PLS3: variants seen among roughly 807,000 people sequenced by gnomAD.
PLS3 encodes the protein plastin-3.
In PLS3, 11 loss-of-function variants were observed where a neutral mutation model predicts 46.5. That is an observed-to-expected ratio of 0.24 (90% CI 0.15 to 0.39). PLS3 has a LOEUF of 0.39. PLS3 is among the 10% of genes least tolerant of loss of function. The pLI, the probability that PLS3 is intolerant of heterozygous loss-of-function variation, is 1.00. For missense variants in PLS3, 308 were observed against 461.8 expected, an observed-to-expected ratio of 0.67 and a Z score of 3.05; for synonymous variants, 167 against 162.2, an observed-to-expected ratio of 1.03 and a Z score of -0.22.
chrX:115,570,919 G>A (rs1358444152), intron 1 of PLS3, among the ~76,000 whole-genome samples: 17 of 85,199 alleles, frequency 2.0e-4, no homozygotes, highest in Non-Finnish European at 3.9e-4. Flanking sequence ...TTTTTGAAAC[G>A]GAGTCTCACT....
Position 115,636,082 on chromosome X carries a change from C to T in PLS3, c.749-754C>T, listed in dbSNP as rs2074832051. Among the ~76,000 whole-genome samples, 3 of 111,346 alleles carry T rather than the reference C, an allele frequency of 2.7e-5. 1 individual carries two copies. In the Admixed American group the frequency reaches 2.9e-4, roughly 11 times the overall value. ...ATATTTCTGTTAAAATAGGATTGAG[C>T]CTTCAAGAGTTAATTGATTAATTTT... On this transcript the variant is annotated intron_variant, in intron 7 of 15. Transcript: ENST00000355899.
chrX:115,581,569 T>C (rs2147430026), intron 1 of PLS3, among the ~76,000 whole-genome samples: 1 of 112,082 alleles, frequency 8.9e-6, no homozygotes, highest in Non-Finnish European at 1.9e-5. Flanking sequence ...GTCACCTTGT[T>C]GGTTTTGGGT....
rs1556638880 is a variant in PLS3 at position 115,629,188 on chromosome X, T to C, written c.238-10T>C. The C allele has an allele frequency of 2.7e-6, 3 of 1,120,869 alleles. No individual in the cohort carries two copies. Among genetic ancestry groups the C allele is most frequent in the Non-Finnish European group, 2.4e-6 (2 of 819,632 alleles). The allele number at this position is 1,120,869 out of a possible 1,213,427, so 92.4% of individuals were successfully genotyped here. The stretch of plus-strand genomic sequence containing the variant: ...TAATTGTGAATCAACAAAATTACTT[T>C]AATTAATAGATTTTTCAAGAGGTAA... On this transcript the variant is annotated splice_polypyrimidine_tract_variant and intron_variant, in intron 3 of 15. Transcript: ENST00000355899.
intron 1 of PLS3, among the ~76,000 whole-genome samples, chrX:115,582,418 T>C (rs1556631928): frequency 8.9e-6 from 1 of 112,288 alleles, no homozygotes; most frequent in African/African-American, 3.2e-5. Flanking sequence ...TCAGTTACAA[T>C]CCAGTCTGTA....
rs2074993008 is a variant in PLS3, at chrX:115,650,651, A to G, written c.*1090A>G. On this transcript the variant is annotated 3_prime_UTR_variant, in exon 16 of 16. Transcript: ENST00000355899. Reference sequence around the variant, plus strand: ...AATCTGGTAGCAATGTAGTAGTTCAAATAAAGGCATTTACATAATAATTAG... The same window carrying G: ...AATCTGGTAGCAATGTAGTAGTTCAGATAAAGGCATTTACATAATAATTAG... 8.9e-6 allele frequency: 1 copy of G among 112,393 alleles called. No homozygotes were observed. The highest frequency in any genetic ancestry group is 3.7e-4 in the South Asian group (1 of 2,708). The allele number at this position is 112,393 out of a possible 1,213,427, so 9.3% of individuals were successfully genotyped here.
chrX:115,568,506 A>T (rs2074191702), intron 1 of PLS3, among the ~76,000 whole-genome samples: 1 of 112,150 alleles, frequency 8.9e-6, no homozygotes, highest in South Asian at 3.7e-4. Context: ...AAATCACTGC[A>T]GTATATTTTA....
intron 1 of PLS3, among the ~76,000 whole-genome samples, chrX:115,578,332 C>T (rs1244929344): frequency 9.0e-6 from 1 of 111,450 alleles, no homozygotes; most frequent in Non-Finnish European, 1.9e-5. Flanking sequence ...TGGTATTGAA[C>T]AGAAAAAAAT....
At chrX:115,589,093 A>G (rs1297504542) in intron 1 of PLS3, among the ~76,000 whole-genome samples, 4 of 110,622 alleles carry the variant, frequency 3.6e-5, no homozygotes, top group African/African-American at 6.6e-5. Flanking sequence ...TCAGCCTCCC[A>G]AGTAGCTGGG....
intron 1 of PLS3, among the ~76,000 whole-genome samples, chrX:115,565,727 C>G (rs2074167826): frequency 8.9e-6 from 1 of 111,968 alleles, no homozygotes; most frequent in Admixed American, 9.5e-5. Flanking sequence ...GATGACTATT[C>G]AGGAAAGTGA....
chrX:115,624,018 A>G lies in PLS3; in HGVS notation c.237+1609A>G, dbSNP rs782246518. On this transcript the variant is annotated intron_variant, in intron 3 of 15. Coordinates refer to ENST00000355899, the MANE Select transcript of PLS3 (RefSeq NM_005032.7). ...GCCAAGGCGGGTGGATCACGAGCTC[A>G]GAAGATCGAGGGCCATACTGGCCAA... is the stretch of plus-strand genomic sequence containing the variant. Among the ~76,000 whole-genome samples the G allele has an allele frequency of 3.9e-4, 43 of 111,509 alleles. No homozygotes were observed. In the South Asian group the frequency reaches 0.015, roughly 39 times the overall value.
At chrX:115,589,217 C>A (rs2074329499) in intron 1 of PLS3, among the ~76,000 whole-genome samples, 1 of 111,263 alleles carries the variant, frequency 9.0e-6, no homozygotes, top group Non-Finnish European at 1.9e-5. Flanking sequence ...AGTGATCCAC[C>A]CACCTCTGCC....
At chrX:115,570,571 T>A (rs1229699076) in intron 1 of PLS3, among the ~76,000 whole-genome samples, 1 of 98,736 alleles carries the variant, frequency 1.0e-5, no homozygotes, top group Non-Finnish European at 2.0e-5. Context: ...CTGTGCGATC[T>A]CAGCTCACTG....
intron 1 of PLS3, among the ~76,000 whole-genome samples, chrX:115,609,382 A>T (rs370292578): frequency 9.8e-5 from 11 of 112,020 alleles, no homozygotes; most frequent in African/African-American, 2.3e-4. Context: ...ATCAGTTTTT[A>T]TTGACAAAAT....
Position 115,647,571 on chromosome X carries a change from A to C in PLS3, c.1533A>C (p.Glu511Asp). Reference protein sequence around the residue: ...LMRRYTLNVLEDLGDGQKAND... With the variant: ...LMRRYTLNVLDDLGDGQKAND... ...TTAGATATACCCTCAATGTCCTGGAAGATCTTGGAGATGGTCAGAAAGCCA... is the reference window on the plus strand; with the variant it reads ...TTAGATATACCCTCAATGTCCTGGACGATCTTGGAGATGGTCAGAAAGCCA... Residue 511 changes from glutamate (E) to aspartate (D), a missense_variant, in exon 14 of 16, where the codon GAA (glutamate) becomes GAC (aspartate). This residue lies in a region of PLS3 where 271 missense variants were observed against 435.7 expected (regional missense o/e 0.62). Coordinates refer to ENST00000355899, the MANE Select transcript of PLS3 (RefSeq NM_005032.7). 8.3e-7 allele frequency: 1 copy of C among 1,202,225 alleles called. No individual in the cohort carries two copies.
chrX:115,578,473 C>G (rs934202985), intron 1 of PLS3, among the ~76,000 whole-genome samples: 1 of 111,029 alleles, frequency 9.0e-6, no homozygotes, highest in Non-Finnish European at 1.9e-5. Context: ...CGCCTGTAAT[C>G]CCAGCACTTT....
intron 2 of PLS3, among the ~76,000 whole-genome samples, chrX:115,621,542 A>G (rs1603237132): frequency 9.0e-6 from 1 of 111,489 alleles, no homozygotes; most frequent in Non-Finnish European, 1.9e-5. Context: ...ACTTTTGGTC[A>G]TTGATCAGGT....
chrX:115,641,203 C>T (rs183862288), intron 9 of PLS3, among the ~76,000 whole-genome samples: 1 of 106,380 alleles, frequency 9.4e-6, no homozygotes, highest in African/African-American at 3.4e-5. Flanking sequence ...ATTACATTGG[C>T]TAAACCATTT....
intron 1 of PLS3, chrX:115,562,406 G>A (rs2074144562): frequency 8.9e-6 from 1 of 111,801 alleles, no homozygotes; most frequent in Non-Finnish European, 1.9e-5. Context: ...CCTCTCACCT[G>A]AGCTGCACGA....
intron 2 of PLS3, among the ~76,000 whole-genome samples, chrX:115,616,597 T>C (rs975494778): frequency 1.8e-5 from 2 of 112,251 alleles, no homozygotes; most frequent in Non-Finnish European, 3.8e-5. Flanking sequence ...GCTACCTTTT[T>C]ACTGGCCTTC....
Sources: gnomAD v4.1 joint callset for allele counts (sites outside exome capture counted in the v4.1 genomes callset) on GRCh38, gnomAD v4.1.1 for gene constraint, gnomAD v4.1.1 regional missense constraint, MANE v1.5 for transcripts, NCBI Gene and HGNC (gene_info 2026-07-23, HGNC 2026-07-21) for gene names.